The following LRMDA variants were observed in gnomAD, a reference collection of about 807,000 sequenced individuals.
LRMDA encodes the protein leucine rich melanocyte differentiation associated, also known as leucine-rich melanocyte differentiation-associated protein.
A neutral mutation model predicts 29.8 loss-of-function variants in LRMDA; 18 were observed. The observed-to-expected ratio is 0.60, with a 90% CI of 0.42 to 0.90. The LOEUF (loss-of-function observed/expected upper bound fraction) is 0.90. Among genes scored for constraint, LRMDA ranks in the 40% least tolerant of loss-of-function variants. The pLI, the probability that LRMDA is intolerant of heterozygous loss-of-function variation, is 0.00. For synonymous variants in LRMDA, 125 were observed against 109.4 expected (o/e 1.14, Z -0.89); for missense variants, 273 against 273.9 (o/e 1.00, Z 0.02).
intron 2 of LRMDA, among the ~76,000 whole-genome samples, chr10:75,477,630 T>C (rs1448552996): frequency 6.6e-6 from 1 of 152,204 alleles, no homozygotes; most frequent in African/African-American, 2.4e-5. Context: ...GCAACTGCTG[T>C]GATGAAGGCT....
chr10:75,881,074 G>T lies in LRMDA; in HGVS notation c.132-154934G>T, dbSNP rs192710281. ...TTCAGTCACTGTTAAGGTTCATTCA[G>T]TTCTTCTCCTGTCCAGTGAATATAA... On this transcript the variant is annotated intron_variant, in intron 2 of 6. Coordinates refer to ENST00000611255, the MANE Select transcript of LRMDA (RefSeq NM_001305581.2). Among the ~76,000 whole-genome samples, 429 of 152,284 alleles carry T rather than the reference G, an allele frequency of 2.8e-3. 5 individuals carry two copies. Among genetic ancestry groups the T allele is most frequent in the African/African-American group, 9.5e-3 (395 of 41,566 alleles).
chr10:75,973,346 CT>C (rs1847012369), intron 2 of LRMDA, among the ~76,000 whole-genome samples: 1 of 151,814 alleles, frequency 6.6e-6, no homozygotes, highest in Admixed American at 6.6e-5. Context: ...CCATCATTGT[CT>C]TTTTTTCCAC....
intron 2 of LRMDA, among the ~76,000 whole-genome samples, chr10:75,881,153 G>C (rs184893455): frequency 6.6e-6 from 1 of 152,288 alleles, no homozygotes; most frequent in East Asian, 1.9e-4. Flanking sequence ...GAAGTGGTCA[G>C]TATGTATGGA....
At chr10:76,493,097 C>A (rs1842849808) in intron 6 of LRMDA, among the ~76,000 whole-genome samples, 1 of 151,980 alleles carries the variant, frequency 6.6e-6, no homozygotes, top group South Asian at 2.1e-4. Context: ...GACTCGTGTT[C>A]CTCTAGGACA....
At chr10:76,119,956 C>G (rs114103677) in intron 5 of LRMDA, among the ~76,000 whole-genome samples, 1,658 of 152,274 alleles carry the variant, frequency 0.011, 26 homozygotes, top group African/African-American at 0.035. Flanking sequence ...GGGAGCCTCC[C>G]AGTTCTGGTG....
At chr10:76,549,066 C>T (rs1004648030) in intron 6 of LRMDA, among the ~76,000 whole-genome samples, 1 of 152,192 alleles carries the variant, frequency 6.6e-6, no homozygotes, top group Non-Finnish European at 1.5e-5. Flanking sequence ...ATATGAGGAA[C>T]TTGCCCTGCA....
intron 6 of LRMDA, among the ~76,000 whole-genome samples, chr10:76,325,478 A>G (rs764041398): frequency 4.6e-5 from 7 of 152,208 alleles, no homozygotes; most frequent in Non-Finnish European, 1.0e-4. Context: ...AGCAGCTGCC[A>G]ACCTGCTATG....
chr10:76,010,314 CTTTT>C (rs71024580), intron 2 of LRMDA, among the ~76,000 whole-genome samples: 1 of 138,870 alleles, frequency 7.2e-6, no homozygotes. Context: ...AATTTATATC[CTTTT>C]TTTTTTTTTT....
At chr10:76,134,023 C>G (rs967265567) in intron 5 of LRMDA, among the ~76,000 whole-genome samples, 3 of 152,182 alleles carry the variant, frequency 2.0e-5, no homozygotes, top group Non-Finnish European at 2.9e-5. Flanking sequence ...TCCCCCACCC[C>G]CAACAAAGTC....
intron 2 of LRMDA, among the ~76,000 whole-genome samples, chr10:75,801,029 C>T (rs956938548): frequency 1.4e-4 from 21 of 152,204 alleles, no homozygotes; most frequent in Non-Finnish European, 5.9e-5. Context: ...AAGGTGTCTT[C>T]CTTCAGGAGT....
intron 2 of LRMDA, among the ~76,000 whole-genome samples, chr10:75,940,543 T>G (rs1846372742): frequency 6.6e-6 from 1 of 152,144 alleles, no homozygotes; most frequent in Non-Finnish European, 1.5e-5. Flanking sequence ...CTGTGTAACC[T>G]CCTATCTCTG....
intron 5 of LRMDA, among the ~76,000 whole-genome samples, chr10:76,297,479 G>A (rs1840426002): frequency 1.3e-5 from 2 of 152,152 alleles, no homozygotes; most frequent in Admixed American, 1.3e-4. Flanking sequence ...TACTTTTTTG[G>A]CCCTGAGTGA....
At chr10:76,094,618 T>C (rs1309685858) in intron 5 of LRMDA, among the ~76,000 whole-genome samples, 1 of 152,200 alleles carries the variant, frequency 6.6e-6, no homozygotes, top group Admixed American at 6.5e-5. Flanking sequence ...CATGGACTGG[T>C]GCCAGTATGA....
At chr10:75,740,537 C>T (rs1248991895) in intron 2 of LRMDA, among the ~76,000 whole-genome samples, 1 of 152,176 alleles carries the variant, frequency 6.6e-6, no homozygotes, top group Non-Finnish European at 1.5e-5. Flanking sequence ...TCCCCATCTC[C>T]AGGCAACAGC....
chr10:76,421,538 T>A (rs1345319558), intron 6 of LRMDA, among the ~76,000 whole-genome samples: 1 of 152,216 alleles, frequency 6.6e-6, no homozygotes, highest in African/African-American at 2.4e-5. Context: ...TTAATATAGC[T>A]TCCTTGTGAC....
chr10:76,118,080 A>G (rs559981399), intron 5 of LRMDA, among the ~76,000 whole-genome samples: 1 of 152,302 alleles, frequency 6.6e-6, no homozygotes, highest in East Asian at 1.9e-4. Flanking sequence ...TGCTTTTAGT[A>G]GGCCCTAAGG....
chr10:76,552,825 A>G (rs1843511508), intron 6 of LRMDA, among the ~76,000 whole-genome samples: 1 of 152,216 alleles, frequency 6.6e-6, no homozygotes, highest in Non-Finnish European at 1.5e-5. Context: ...TGGATGTGCA[A>G]GAATTCCCTT....
At chr10:75,512,417 C>T (rs996426645) in intron 2 of LRMDA, among the ~76,000 whole-genome samples, 11 of 151,724 alleles carry the variant, frequency 7.3e-5, no homozygotes, top group Admixed American at 1.3e-4. Context: ...ATTACTTTGA[C>T]CATTTTGCTC....
chr10:76,031,648 G>A (rs1041550863), intron 2 of LRMDA, among the ~76,000 whole-genome samples: 1 of 152,150 alleles, frequency 6.6e-6, no homozygotes, highest in African/African-American at 2.4e-5. Context: ...GCCCTTGCAG[G>A]TCTGGGGGCC....
Sources: gnomAD v4.1 joint callset for allele counts (sites outside exome capture counted in the v4.1 genomes callset) on GRCh38, gnomAD v4.1.1 for gene constraint, MANE v1.5 for transcripts, NCBI Gene and HGNC (gene_info 2026-07-23, HGNC 2026-07-21) for gene names.